Variants in RGS6 observed in about 807,000 individuals in gnomAD.
RGS6 encodes the protein regulator of G protein signaling 6.
Under a neutral mutation model 78.5 loss-of-function variants are expected in RGS6, and 30 were observed. The observed-to-expected ratio is 0.38, with a 90% CI of 0.29 to 0.52. RGS6 has a LOEUF of 0.52. Among genes scored for constraint, RGS6 ranks in the 20% least tolerant of loss-of-function variants. The probability of loss-of-function intolerance (pLI) is 0.85; values close to 1 mark genes in which losing one functional copy is unlikely to be tolerated. For synonymous variants in RGS6, 206 were observed against 206.0 expected, an observed-to-expected ratio of 1.00 and a Z score of 0.00; for missense variants, 495 against 609.7, an observed-to-expected ratio of 0.81 and a Z score of 1.98.
chr14:72,377,395 A>G (rs1413874317), intron 3 of RGS6, among the ~76,000 whole-genome samples: 1 of 152,198 alleles, frequency 6.6e-6, no homozygotes, highest in African/African-American at 2.4e-5. Flanking sequence ...TAGATATATA[A>G]AGCAAATATT....
chr14:72,273,997 C>T (rs2060313002), intron 2 of RGS6, among the ~76,000 whole-genome samples: 1 of 152,166 alleles, frequency 6.6e-6, no homozygotes, highest in South Asian at 2.1e-4. Context: ...CAATGGTTCT[C>T]AAATGAACAG....
At chr14:71,988,612 C>G (rs535436457) in intron 2 of RGS6, among the ~76,000 whole-genome samples, 2 of 151,824 alleles carry the variant, frequency 1.3e-5, no homozygotes, top group Admixed American at 6.6e-5. Flanking sequence ...AGAGACTGTC[C>G]GTATGACCGG....
intron 2 of RGS6, among the ~76,000 whole-genome samples, chr14:72,336,168 T>C (rs541910416): frequency 1.3e-5 from 2 of 152,366 alleles, no homozygotes; most frequent in East Asian, 3.9e-4. Context: ...AATTGTGTGT[T>C]GTTCTAACTA....
chr14:72,119,488 G>A lies in RGS6; in HGVS notation c.84+154613G>A, dbSNP rs527448891. 3.3e-5 allele frequency among the ~76,000 whole-genome samples: 5 copies of A among 152,316 alleles called. No homozygotes were observed. The East Asian group carries it at 9.6e-4, about 29-fold the overall frequency. ...AGGTCAATGATGAAGGTAAGTTTGA[G>A]AATGAATTTTCCATGAATGTCCTGC... On this transcript the variant is annotated intron_variant, in intron 2 of 17. Coordinates refer to ENST00000553525, the MANE Select transcript of RGS6 (RefSeq NM_001204424.2).
At chr14:72,522,743 A>T (rs1473838224) in intron 15 of RGS6, among the ~76,000 whole-genome samples, 1 of 152,214 alleles carries the variant, frequency 6.6e-6, no homozygotes, top group Non-Finnish European at 1.5e-5. Flanking sequence ...GGATGTAAAG[A>T]TCTAGATCAC....
intron 2 of RGS6, among the ~76,000 whole-genome samples, chr14:72,126,199 T>C (rs900539724): frequency 6.6e-6 from 1 of 152,220 alleles, no homozygotes; most frequent in African/African-American, 2.4e-5. Flanking sequence ...AGTCCACATT[T>C]ACTTCACATG....
chr14:72,162,185 G>GA (rs35368825), intron 2 of RGS6, among the ~76,000 whole-genome samples: 20 of 150,252 alleles, frequency 1.3e-4, no homozygotes, highest in East Asian at 9.8e-4. Flanking sequence ...TAGTACAGCA[G>GA]AAAAAAAAAA....
At chr14:72,160,341 AT>A (rs61063378) in intron 2 of RGS6, among the ~76,000 whole-genome samples, 25,698 of 152,188 alleles carry the variant, frequency 0.17, 2,240 homozygotes, top group African/African-American at 0.19. Flanking sequence ...GCCAATAAAT[AT>A]GTAAAAAAGT....
intron 2 of RGS6, among the ~76,000 whole-genome samples, chr14:72,141,491 G>A (rs996375089): frequency 2.0e-5 from 3 of 152,134 alleles, no homozygotes; most frequent in African/African-American, 7.2e-5. Context: ...TTTTCTTTTA[G>A]GAGTTGATTC....
At chr14:72,184,299 G>A (rs2097209867) in intron 2 of RGS6, among the ~76,000 whole-genome samples, 1 of 150,732 alleles carries the variant, frequency 6.6e-6, no homozygotes. Flanking sequence ...CCTTCTTTAA[G>A]CTATTAGTAA....
the RGS6 span, among the ~76,000 whole-genome samples, chr14:72,571,683 G>A: frequency 6.6e-6 from 1 of 152,152 alleles, no homozygotes; most frequent in Admixed American, 6.5e-5. Context: ...ACTGAAAATG[G>A]ATAGAAGAGC....
chr14:71,905,650 C>T, the RGS6 span, among the ~76,000 whole-genome samples: 2 of 152,136 alleles, frequency 1.3e-5, no homozygotes, highest in East Asian at 3.9e-4. Context: ...CCACGCTGAC[C>T]GGATAATTTT....
In RGS6 at chr14:72,407,321, A is replaced by G. The variant is rs1181399101; in HGVS notation, c.185-47207A>G. ...CTTTGCTTGTAGGCTTGTCGTTTGG[A>G]GAACCGTCTTGGAGTCTTTATTGGT... On this transcript the variant is annotated intron_variant, in intron 3 of 17. Transcript: ENST00000553525. 4.6e-5 allele frequency among the ~76,000 whole-genome samples: 7 copies of G among 152,302 alleles called. No homozygotes were observed. The South Asian group carries it at 1.2e-3, about 27-fold the overall frequency.
chr14:72,426,683 T>C (rs1423626983), intron 3 of RGS6, among the ~76,000 whole-genome samples: 2 of 152,234 alleles, frequency 1.3e-5, no homozygotes, highest in East Asian at 3.8e-4. Context: ...TAACAGTTTG[T>C]CCCATCATAT....
At chr14:72,548,327 T>TTG (rs369257899) in intron 17 of RGS6, among the ~76,000 whole-genome samples, 24,357 of 147,148 alleles carry the variant, frequency 0.17, 2,080 homozygotes, top group South Asian at 0.27. Flanking sequence ...CAGATCATAT[T>TTG]TGTGTGTGTG....
intron 2 of RGS6, among the ~76,000 whole-genome samples, chr14:72,253,168 T>C (rs2056240493): frequency 6.6e-6 from 1 of 152,236 alleles, no homozygotes; most frequent in Non-Finnish European, 1.5e-5. Flanking sequence ...CATCCGTGCT[T>C]AGGCTGTAAG....
At chr14:72,465,023 T>C (rs2095866101) in intron 6 of RGS6, among the ~76,000 whole-genome samples, 1 of 152,136 alleles carries the variant, frequency 6.6e-6, no homozygotes, top group African/African-American at 2.4e-5. Flanking sequence ...AAACACCAAC[T>C]TGGGTCTTCA....
intron 3 of RGS6, among the ~76,000 whole-genome samples, chr14:72,380,468 CAA>C (rs55721601): frequency 2.8e-4 from 41 of 145,186 alleles, no homozygotes; most frequent in African/African-American, 7.7e-4. Flanking sequence ...ATCTTGACAG[CAA>C]AAAAAAAAAA....
chr14:71,927,143 C>T, the RGS6 span, among the ~76,000 whole-genome samples: 1 of 152,196 alleles, frequency 6.6e-6, no homozygotes, highest in Non-Finnish European at 1.5e-5. Flanking sequence ...CTGGCATGAA[C>T]AGCAGCCCAT....
Sources: allele counts gnomAD v4.1 joint callset (sites outside exome capture counted in the v4.1 genomes callset), GRCh38; gene constraint gnomAD v4.1.1; transcripts MANE v1.5; gene names NCBI Gene and HGNC (gene_info 2026-07-23, HGNC 2026-07-21).